The following CKMT1B variants were observed in gnomAD, a reference collection of about 807,000 sequenced individuals.
CKMT1B encodes the protein creatine kinase, mitochondrial 1B.
In CKMT1B, 13 loss-of-function variants were observed where a neutral mutation model predicts 21.8. That is an observed-to-expected ratio of 0.60 (90% CI 0.39 to 0.95). The LOEUF (loss-of-function observed/expected upper bound fraction) is 0.95, where lower values mean the gene tolerates loss of function less well. CKMT1B is among the 40% of genes least tolerant of loss of function. The probability of loss-of-function intolerance (pLI) is 0.00; values close to 1 mark genes in which losing one functional copy is unlikely to be tolerated. For missense variants in CKMT1B, 157 were observed against 227.5 expected (o/e 0.69, Z 1.99); for synonymous variants, 50 against 80.3 (o/e 0.62, Z 2.02).
At chr15:43,596,924 A>G (rs66507262) in intron 6 of CKMT1B, among the ~76,000 whole-genome samples, 22,291 of 147,822 alleles carry the variant, frequency 0.15, 2,494 homozygotes, top group Middle Eastern at 0.27. Context: ...TCATGACTCT[A>G]ATATAACCAC....
At chr15:43,597,644 G>A (rs1403230461) in intron 6 of CKMT1B, 6 of 907,420 alleles carry the variant, frequency 6.6e-6, no homozygotes, top group Middle Eastern at 2.8e-4. Flanking sequence ...ACATGGTTAA[G>A]TGAAGCCAAA....
intron 6 of CKMT1B, 61 bp downstream of exon 6, chr15:43,596,592 A>C (rs1303875203): frequency 1.2e-6 from 2 of 1,605,230 alleles, no homozygotes; most frequent in Non-Finnish European, 1.7e-6. Flanking sequence ...AAAGAGTAGC[A>C]TAAATAGATT....
chr15:43,599,393 C>T lies in CKMT1B; in HGVS notation c.*120C>T. The stretch of plus-strand genomic sequence containing the variant: ...CCTGCCTCCATCCTAGTAAAGACTC[C>T]TTGCTATGCTGCAGCTGTCTGTGTT... On this transcript the variant is annotated 3_prime_UTR_variant, in exon 9 of 9. Coordinates refer to ENST00000441322, the MANE Select transcript of CKMT1B (RefSeq NM_001375484.1). The T allele has an allele frequency of 1.3e-6, 2 of 1,488,016 alleles. No individual in the cohort carries two copies. The highest frequency in any genetic ancestry group is 9.2e-7 in the Non-Finnish European group (1 of 1,087,112). 92.2% of individuals were successfully genotyped at this position (1,488,016 alleles called of 1,614,324 possible). A position where few individuals can be genotyped will look rare whatever the true frequency, so the allele number is the denominator to read the frequency against.
Position 43,596,260 on chromosome 15 carries a change from G to A in CKMT1B, c.720G>A (p.Met240Ile), listed in dbSNP as rs1241788621. The change falls in exon 5 of 9, where the codon ATG (methionine) becomes ATA (isoleucine). Residue 240 changes from methionine (M) to isoleucine (I), a missense_variant. Coordinates refer to ENST00000441322, the MANE Select transcript of CKMT1B (RefSeq NM_001375484.1). ...CCCCGTTGCTGACTGCAGCAGGAAT[G>A]GCTCGAGACTGGCCAGATGCTCGTG... Reference protein sequence around the residue: ...PVSPLLTAAGMARDWPDARGI... With the variant: ...PVSPLLTAAGIARDWPDARGI... 1 of 647,346 alleles carries A rather than the reference G, an allele frequency of 1.5e-6. No individual in the cohort carries two copies. Among genetic ancestry groups the A allele is most frequent in the Admixed American group, 3.4e-5 (1 of 28,988 alleles). 40.1% of individuals were successfully genotyped at this position (647,346 alleles called of 1,614,324 possible). A position where few individuals can be genotyped will look rare whatever the true frequency, so the allele number is the denominator to read the frequency against.
Position 43,595,922 on chromosome 15 carries a change from C to T in CKMT1B, c.511C>T (p.Arg171Ter). ...TAGAGTCAGAACTGGCCGAAGCATC[C>T]GAGGACTCAGTCTGCCTCCAGCTTG... Reference protein sequence around the residue: ...SSRVRTGRSIRGLSLPPACTR... With the variant: ...SSRVRTGRSI The change falls in exon 4 of 9, where the codon CGA (arginine) becomes TGA (stop). Residue 171 changes from arginine to a stop codon, truncating the protein, a stop_gained. Transcript: ENST00000441322. LOFTEE classifies it high-confidence loss of function. 2 of 121,280 alleles carry T rather than the reference C, an allele frequency of 1.6e-5. No homozygotes were observed. The highest frequency in any genetic ancestry group is 5.8e-5 in the South Asian group (1 of 17,354). 7.5% of individuals were successfully genotyped at this position (121,280 alleles called of 1,614,324 possible). A position where few individuals can be genotyped will look rare whatever the true frequency, so the allele number is the denominator to read the frequency against.
Position 43,598,323 on chromosome 15 carries a change from G to A in CKMT1B, c.1007G>A (p.Ser336Asn). 2 of 1,604,266 alleles carry A rather than the reference G, an allele frequency of 1.2e-6. No homozygotes were observed. Among genetic ancestry groups the A allele is most frequent in the Non-Finnish European group, 1.7e-6 (2 of 1,177,748 alleles). ...AGVHIKLPLL[S>N]KDSRFPKILE... ...GTGCACATCAAACTGCCCCTGCTAA[G>A]CAAAGTAAAGGAGTTGTGGGGTTAC... is the stretch of plus-strand genomic sequence containing the variant. The change falls in exon 7 of 9, where the codon AGC becomes AAC. Residue 336 changes from serine to asparagine, a missense_variant. Ser to Asn is a conservative substitution (Grantham distance 46, BLOSUM62 1). Transcript: ENST00000441322.
intron 7 of CKMT1B, 88 bp from the exon 8 acceptor site, chr15:43,598,739 C>A (rs1375992017): frequency 2.7e-6 from 4 of 1,464,812 alleles, no homozygotes; most frequent in Non-Finnish European, 3.6e-6. Context: ...GTTCAGGAGA[C>A]AGAGCTCTGA....
chr15:43,598,508 C>G lies in CKMT1B; in HGVS notation c.1011+181C>G, dbSNP rs565117058. ...TTGGGAGGCCAAGGCAGGCAGATTA[C>G]TTGAGCCCAGGAGTTCAAGACCAGC... On this transcript the variant is annotated intron_variant, in intron 7 of 8. Coordinates refer to ENST00000441322, the MANE Select transcript of CKMT1B (RefSeq NM_001375484.1). Among the ~76,000 whole-genome samples the G allele has an allele frequency of 1.4e-3, 207 of 148,720 alleles. 7 individuals are homozygous for G. The highest frequency in any genetic ancestry group is 6.9e-3 in the Middle Eastern group (2 of 290).
intron 6 of CKMT1B, chr15:43,597,403 G>A: frequency 8.5e-7 from 1 of 1,170,612 alleles, no homozygotes; most frequent in Non-Finnish European, 1.1e-6. Context: ...GTGAAATACA[G>A]GTAAAGTACT....
At position 43,599,254 on chromosome 15, in the gene CKMT1B, T is replaced by C; in HGVS notation, c.1235T>C (p.Val412Ala). The C allele has an allele frequency of 1.2e-6, 2 of 1,613,654 alleles. No homozygotes were observed. Among genetic ancestry groups the C allele is most frequent in the Non-Finnish European group, 1.7e-6 (2 of 1,179,840 alleles). Residue 412 changes from valine (V) to alanine (A), a missense_variant, in exon 9 of 9, where the codon GTC (valine) becomes GCC (alanine). Val to Ala is a moderately conservative substitution (Grantham distance 64). Transcript: ENST00000441322. ...RGQDIRIPTP[V>A]IHTKH Reference sequence around the variant, plus strand: ...CAGGATATCCGCATCCCCACACCTGTCATCCACACCAAGCATTAACTCCCC... The same window carrying C: ...CAGGATATCCGCATCCCCACACCTGCCATCCACACCAAGCATTAACTCCCC...
Position 43,599,368 on chromosome 15 carries a change from C to A in CKMT1B, c.*95C>A. 3.1e-6 allele frequency: 5 copies of A among 1,595,714 alleles called. No individual in the cohort carries two copies. The highest frequency in any genetic ancestry group is 4.3e-6 in the Non-Finnish European group (5 of 1,168,440). On this transcript the variant is annotated 3_prime_UTR_variant, in exon 9 of 9. Transcript: ENST00000441322. ...TTGCTCTGGACCTGCCCCCGCATCC[C>A]CTGCCTCCATCCTAGTAAAGACTCC...
Position 43,598,812 on chromosome 15 carries a change from C to G in CKMT1B, c.1012-15C>G. On this transcript the variant is annotated splice_polypyrimidine_tract_variant and intron_variant, in intron 7 of 8. Coordinates refer to ENST00000441322, the MANE Select transcript of CKMT1B (RefSeq NM_001375484.1). ...CCTCTATTGACCCTGCTCCCAATCC[C>G]TATCTCCTCTCTAGGATAGCCGCTT... 1 of 1,599,920 alleles carries G rather than the reference C, an allele frequency of 6.3e-7. No homozygotes were observed. The highest frequency in any genetic ancestry group is 8.5e-7 in the Non-Finnish European group (1 of 1,175,102).
chr15:43,598,112 T>A, intron 6 of CKMT1B, 81 bp from the exon 7 acceptor site: 1 of 1,581,372 alleles, frequency 6.3e-7, no homozygotes, highest in Non-Finnish European at 8.6e-7. Flanking sequence ...TTTCTAGTGT[T>A]CTTGTGGGTC....
At position 43,598,808 on chromosome 15, in the gene CKMT1B, A is replaced by G; in HGVS notation, c.1012-19A>G. The G allele has an allele frequency of 6.3e-7, 1 of 1,597,324 alleles. No individual in the cohort carries two copies. The highest frequency in any genetic ancestry group is 8.5e-7 in the Non-Finnish European group (1 of 1,174,150). On this transcript the variant is annotated intron_variant, in intron 7 of 8. Coordinates refer to ENST00000441322, the MANE Select transcript of CKMT1B (RefSeq NM_001375484.1). ...TCTGCCTCTATTGACCCTGCTCCCA[A>G]TCCCTATCTCCTCTCTAGGATAGCC...
At chr15:43,599,005 A>C in intron 8 of CKMT1B, 53 bp downstream of exon 8, 23 of 1,605,542 alleles carry the variant, frequency 1.4e-5, no homozygotes, top group Non-Finnish European at 2.0e-5. Context: ...CGAGGGCCGA[A>C]ATATGGCAGT....
chr15:43,599,265 A>G lies in CKMT1B; in HGVS notation c.1246A>G (p.Lys416Glu), dbSNP rs2085642722. The change falls in exon 9 of 9, where the codon AAG (lysine) becomes GAG (glutamate). Residue 416 changes from lysine to glutamate, a missense_variant. Physicochemically the swap from Lys to Glu is moderately conservative, Grantham distance 56 (BLOSUM62 1). Coordinates refer to ENST00000441322, the MANE Select transcript of CKMT1B (RefSeq NM_001375484.1). ...CATCCCCACACCTGTCATCCACACC[A>G]AGCATTAACTCCCCATCGCCAGCTG... ...IRIPTPVIHT[K>E]H 1.2e-6 allele frequency: 2 copies of G among 1,613,644 alleles called. No homozygotes were observed. The highest frequency in any genetic ancestry group is 8.5e-7 in the Non-Finnish European group (1 of 1,179,830).
intron 6 of CKMT1B, 92 bp downstream of exon 6, chr15:43,596,623 C>G (rs2085573690): frequency 1.3e-6 from 2 of 1,583,428 alleles, no homozygotes; most frequent in Non-Finnish European, 1.7e-6. Flanking sequence ...CCAACCAACC[C>G]AGGACATGTC....
rs2085635184 is a variant in CKMT1B at position 43,599,034 on chromosome 15, T to A, written c.1137+82T>A. 4.4e-6 allele frequency: 7 copies of A among 1,596,338 alleles called. No individual in the cohort carries two copies. In the Admixed American group the frequency reaches 1.2e-4, roughly 27 times the overall value. ...TGGCAGTGAGTGAGCCTCCGGGATG[T>A]AAGATAATCTGAAATGAAATTCAGG... On this transcript the variant is annotated intron_variant, in intron 8 of 8. Transcript: ENST00000441322.
At chr15:43,597,886 T>C in intron 6 of CKMT1B, 1 of 1,283,150 alleles carries the variant, frequency 7.8e-7, no homozygotes. Flanking sequence ...CAGTCATCTC[T>C]CAGTTCAGTT....
Sources: allele counts gnomAD v4.1 joint callset (sites outside exome capture counted in the v4.1 genomes callset), GRCh38; gene constraint gnomAD v4.1.1; transcripts MANE v1.5; gene names NCBI Gene and HGNC (gene_info 2026-07-23, HGNC 2026-07-21).